Variants in JAKMIP3 observed in about 807,000 individuals in gnomAD.
JAKMIP3 encodes janus kinase and microtubule-interacting protein 3.
Under a neutral mutation model 118.5 loss-of-function variants are expected in JAKMIP3, and 58 were observed. The ratio of observed to expected loss-of-function variants is 0.49; its 90% CI spans 0.40 to 0.61. The LOEUF is 0.61. JAKMIP3 is among the 20% of genes least tolerant of loss of function. JAKMIP3 has a pLI of 0.00. For synonymous variants in JAKMIP3, 486 were observed against 451.2 expected, an observed-to-expected ratio of 1.08 and a Z score of -0.98; for missense variants, 950 against 1,109.0, an observed-to-expected ratio of 0.86 and a Z score of 2.04.
At chr10:132,071,223 ATCTT>A (rs1564865300) in intron 1 of JAKMIP3, among the ~76,000 whole-genome samples, 2 of 150,476 alleles carry the variant, frequency 1.3e-5, no homozygotes, top group Non-Finnish European at 3.0e-5. Flanking sequence ...TTTTCTTGAT[ATCTT>A]TCTATTACGT....
At chr10:132,120,869 T>A (rs936730006) in intron 3 of JAKMIP3, among the ~76,000 whole-genome samples, 1 of 151,666 alleles carries the variant, frequency 6.6e-6, no homozygotes, top group African/African-American at 2.4e-5. Context: ...TGTGAGGGAG[T>A]GTCTGGAGTT....
At chr10:132,077,013 G>A (rs1044301497) in intron 1 of JAKMIP3, among the ~76,000 whole-genome samples, 1 of 152,132 alleles carries the variant, frequency 6.6e-6, no homozygotes, top group African/African-American at 2.4e-5. Flanking sequence ...ACCGCGTGAG[G>A]GCTGGTCTGT....
Position 132,148,018 on chromosome 10 carries a change from G to A in JAKMIP3, c.1816G>A (p.Glu606Lys). The A allele has an allele frequency of 3.7e-6, 6 of 1,610,252 alleles. No individual in the cohort carries two copies. The highest frequency in any genetic ancestry group is 5.1e-6 in the Non-Finnish European group (6 of 1,178,370). The change falls in exon 14 of 24, where the codon GAG becomes AAG. Residue 606 changes from glutamate to lysine, a missense_variant. Glu to Lys is a moderately conservative substitution (Grantham distance 56). Coordinates refer to ENST00000684848, the MANE Select transcript of JAKMIP3 (RefSeq NM_001323087.2). ...HEVQDARDQNELLEFRILELE... is the reference protein window; with the variant it reads ...HEVQDARDQNKLLEFRILELE... ...GGTGCAGGACGCCAGAGACCAAAAC[G>A]AGCTGCTGGAGTTCAGGATCCTGGA...
At chr10:132,167,351 G>T (rs561272163) in intron 22 of JAKMIP3, among the ~76,000 whole-genome samples, 1 of 152,334 alleles carries the variant, frequency 6.6e-6, no homozygotes, top group East Asian at 1.9e-4. Context: ...AAACATGCAG[G>T]ACCCTCTCTA....
chr10:132,102,488 A>C (rs2045123168), intron 1 of JAKMIP3, among the ~76,000 whole-genome samples: 1 of 152,080 alleles, frequency 6.6e-6, no homozygotes, highest in African/African-American at 2.4e-5. Context: ...ACACGTGCAG[A>C]GCTGACATCC....
intron 6 of JAKMIP3, 128 bp downstream of exon 6, chr10:132,136,204 T>G: frequency 2.1e-6 from 2 of 973,706 alleles, no homozygotes; most frequent in Non-Finnish European, 3.0e-6. Flanking sequence ...TCTGCTGGAG[T>G]CTGGCCTCAC....
chr10:132,140,648 C>CT (rs2053323182), intron 10 of JAKMIP3, 69 bp downstream of exon 10: 1 of 1,456,254 alleles, frequency 6.9e-7, no homozygotes, highest in Non-Finnish European at 9.2e-7. Context: ...GGGTCCTGGG[C>CT]TTGGAGGAGG....
intron 23 of JAKMIP3, among the ~76,000 whole-genome samples, chr10:132,177,079 C>T (rs2060210581): frequency 6.6e-6 from 1 of 152,206 alleles, no homozygotes. Context: ...ATGAGTCCCC[C>T]TCCCCGCTTT....
At position 132,117,429 on chromosome 10, in the gene JAKMIP3, G is replaced by T. The variant is rs748789156; in HGVS notation, c.488G>T (p.Gly163Val). 1.2e-6 allele frequency: 2 copies of T among 1,613,884 alleles called. No homozygotes were observed. Among genetic ancestry groups the T allele is most frequent in the South Asian group, 2.2e-5 (2 of 91,088 alleles). The change falls in exon 3 of 24, where the codon GGC becomes GTC. Residue 163 changes from glycine to valine, a missense_variant. Transcript: ENST00000684848. This position sits in a 1 kb window ranked among gnomAD's most constrained non-coding sequence, Gnocchi z 8.6. ...CAGCAGGAGATCTCCGAGCTCAAGG[G>T]CGCCAAAAGGCAGGTGGAGGAGGCG... ...KMQQEISELK[G>V]AKRQVEEALT...
chr10:132,167,105 G>T (rs373164954), intron 22 of JAKMIP3, 50 bp downstream of exon 22: 6 of 1,298,854 alleles, frequency 4.6e-6, no homozygotes, highest in African/African-American at 4.5e-5. Context: ...CTGCTTCCCG[G>T]AAGACTCCTC....
At chr10:132,140,733 G>A (rs1370015956) in intron 10 of JAKMIP3, among the ~76,000 whole-genome samples, 154 bp downstream of exon 10, 2 of 152,176 alleles carry the variant, frequency 1.3e-5, no homozygotes, top group African/African-American at 2.4e-5. Context: ...AGCCCTTCGC[G>A]GCCCTCACTG....
chr10:132,095,497 G>A (rs968335096), intron 1 of JAKMIP3, among the ~76,000 whole-genome samples: 6 of 152,204 alleles, frequency 3.9e-5, no homozygotes, highest in African/African-American at 1.4e-4. Flanking sequence ...CAGTGGGGGT[G>A]TGTGTTTGGG....
chr10:132,043,732 G>T (rs964277035), intron 1 of JAKMIP3, among the ~76,000 whole-genome samples: 59 of 152,132 alleles, frequency 3.9e-4, no homozygotes, highest in African/African-American at 1.4e-3. Context: ...GGGGAGCGGG[G>T]CCCTTTCCAG....
intron 1 of JAKMIP3, among the ~76,000 whole-genome samples, chr10:132,046,388 G>A (rs919156288): frequency 7.3e-5 from 11 of 151,540 alleles, no homozygotes; most frequent in African/African-American, 2.2e-4. Context: ...CTTGGGAGGC[G>A]GAGCTTGCAG....
chr10:132,102,382 G>A (rs1171994403), intron 1 of JAKMIP3, among the ~76,000 whole-genome samples: 2 of 152,140 alleles, frequency 1.3e-5, no homozygotes, highest in East Asian at 3.9e-4. Flanking sequence ...CCCTCCGTCT[G>A]CAGTGGCATC....
intron 1 of JAKMIP3, among the ~76,000 whole-genome samples, chr10:132,078,537 C>T (rs2041193950): frequency 6.6e-6 from 1 of 151,686 alleles, no homozygotes; most frequent in Admixed American, 6.6e-5. Flanking sequence ...ATTCATTTCT[C>T]CTCAAGTCAG....
At chr10:132,125,805 A>G (rs971526882) in intron 3 of JAKMIP3, among the ~76,000 whole-genome samples, 6 of 152,220 alleles carry the variant, frequency 3.9e-5, no homozygotes, top group Admixed American at 2.6e-4. Context: ...CAGAAATACA[A>G]TTGATTTTTA....
At chr10:132,129,842 C>T (rs1040760632) in intron 3 of JAKMIP3, among the ~76,000 whole-genome samples, 1 of 151,088 alleles carries the variant, frequency 6.6e-6, no homozygotes, top group Non-Finnish European at 1.5e-5. Flanking sequence ...TACCCCATCA[C>T]GTCTGGAACC....
intron 4 of JAKMIP3, among the ~76,000 whole-genome samples, chr10:132,134,733 T>A (rs1224954202): frequency 2.6e-5 from 4 of 152,238 alleles, no homozygotes; most frequent in African/African-American, 9.6e-5. Context: ...GCCCCCGCCC[T>A]CTCCATCTGC....
Sources: allele counts gnomAD v4.1 joint callset (sites outside exome capture counted in the v4.1 genomes callset), GRCh38; gene constraint gnomAD v4.1.1; non-coding constraint Gnocchi (gnomAD v3.1); transcripts MANE v1.5; gene names NCBI Gene and HGNC (gene_info 2026-07-23, HGNC 2026-07-21).